The following IPO4 variants were observed in gnomAD, a reference collection of about 807,000 sequenced individuals.
IPO4 encodes importin-4.
IPO4 carries 91 observed loss-of-function variants against 133.5 expected under a neutral mutation model. That is an observed-to-expected ratio of 0.68 (90% CI 0.58 to 0.81). The LOEUF (loss-of-function observed/expected upper bound fraction) is 0.81. IPO4 is among the 30% of genes least tolerant of loss of function. The probability of loss-of-function intolerance (pLI) is 0.00; values close to 1 mark genes in which losing one functional copy is unlikely to be tolerated. For synonymous variants in IPO4, 607 were observed against 581.6 expected (o/e 1.04, Z -0.63); for missense variants, 1,279 against 1,386.2 (o/e 0.92, Z 1.23).
chr14:24,184,927 G>C lies in IPO4; in HGVS notation c.1462C>G (p.Leu488Val). ...PELMECMLQLLRNPSSPRAKE... is the reference protein window; with the variant it reads ...PELMECMLQLVRNPSSPRAKE... ...GCCCGGGGACTGCTGGGGTTCCTCA[G>C]AAGCTGCAGCATGCATTCCATAAGC... Residue 488 changes from leucine (L) to valine (V), a missense_variant, in exon 15 of 30, where the codon CTG becomes GTG. By Grantham distance (32) the Leu-to-Val change is conservative. Transcript: ENST00000354464. The C allele has an allele frequency of 6.2e-7, 1 of 1,614,146 alleles. No homozygotes were observed. The highest frequency in any genetic ancestry group is 8.5e-7 in the Non-Finnish European group (1 of 1,180,036).
At chr14:24,188,129 CCCA>C (rs1744322933) in intron 4 of IPO4, 84 bp downstream of exon 4, 4 of 1,378,832 alleles carry the variant, frequency 2.9e-6, no homozygotes, top group Non-Finnish European at 3.0e-6. Flanking sequence ...AAGTCCCTGC[CCCA>C]CAAGTCCCAG....
At chr14:24,184,217 TG>T in intron 17 of IPO4, 80 bp downstream of exon 17, 2 of 1,554,384 alleles carry the variant, frequency 1.3e-6, no homozygotes, top group Non-Finnish European at 1.7e-6. Context: ...GACTGGAGTC[TG>T]GGGTGGGGAT....
In IPO4 at chr14:24,186,733, G is replaced by C. The variant is rs757669419; in HGVS notation, c.815C>G (p.Thr272Ser). Residue 272 changes from threonine to serine, a missense_variant, in exon 9 of 30, where the codon ACT (threonine) becomes AGT (serine). Thr to Ser is a moderately conservative substitution (Grantham distance 58, BLOSUM62 1). Transcript: ENST00000354464. ...AIRIRILCCL[T>S]FLVKVKSKAL... ...CTTGCTCTTGACTTTGACCAAGAAA[G>C]TGAGGCAGCAGAGAATACGTATGCG... 1 of 1,614,182 alleles carries C rather than the reference G, an allele frequency of 6.2e-7. No homozygotes were observed. Among genetic ancestry groups the C allele is most frequent in the Non-Finnish European group, 8.5e-7 (1 of 1,180,000 alleles).
intron 22 of IPO4, 28 bp downstream of exon 22, chr14:24,183,222 C>T: frequency 6.2e-7 from 1 of 1,612,116 alleles, no homozygotes; most frequent in Non-Finnish European, 8.5e-7. Context: ...TCCCCAAGAA[C>T]CCCCAGCCTG....
chr14:24,180,520 G>A lies in IPO4; in HGVS notation c.3168C>T (p.Thr1056=), dbSNP rs777326997. Residue 1056 remains threonine, a synonymous_variant, in exon 30 of 30, where the codon ACC becomes ACT. Coordinates refer to ENST00000354464, the MANE Select transcript of IPO4 (RefSeq NM_024658.4). ...AGCCCAGAGCTGCTTGAAAGCTGTC[G>A]GTGTGCTGTTTGGCCAGGAACGTCA... ...LLLTFLAKQH[T]DSFQAALGSL... 12 of 1,613,958 alleles carry A rather than the reference G, an allele frequency of 7.4e-6. No individual in the cohort carries two copies. Among genetic ancestry groups the A allele is most frequent in the African/African-American group, 2.7e-5 (2 of 74,910 alleles).
rs1347635772 is a variant in IPO4 at position 24,184,433 on chromosome 14, G to C, written c.1637-15C>G. The C allele has an allele frequency of 6.2e-7, 1 of 1,604,188 alleles. No individual in the cohort carries two copies. The highest frequency in any genetic ancestry group is 8.5e-7 in the Non-Finnish European group (1 of 1,175,148). ...CCCCAGTGTCTCTGTGGGGGCAAGG[G>C]CTCCATTAGCACCAGGAGGTGGAGG... is the stretch of plus-strand genomic sequence containing the variant. On this transcript the variant is annotated splice_polypyrimidine_tract_variant and intron_variant, in intron 16 of 29. Transcript: ENST00000354464.
In IPO4 at chr14:24,184,831, G is replaced by C. The variant is rs761129991; in HGVS notation, c.1522+36C>G. On this transcript the variant is annotated intron_variant, in intron 15 of 29. Coordinates refer to ENST00000354464, the MANE Select transcript of IPO4 (RefSeq NM_024658.4). ...ACCACCAGCCACAGGGCCTTTGGGT[G>C]AACCCCACATCCCTGCCTCCTGCCT... The C allele has an allele frequency of 2.4e-5, 38 of 1,605,942 alleles. 1 individual carries two copies. In the South Asian group the frequency reaches 4.0e-4, roughly 17 times the overall value.
intron 6 of IPO4, 82 bp downstream of exon 6, chr14:24,187,318 A>G: frequency 6.5e-7 from 1 of 1,545,206 alleles, no homozygotes; most frequent in Non-Finnish European, 8.9e-7. Context: ...TAAAGAATCC[A>G]AAGCAGCTTT....
chr14:24,187,006 A>G (rs1445372799), intron 7 of IPO4, 27 bp from the exon 8 acceptor site: 1 of 1,612,548 alleles, frequency 6.2e-7, no homozygotes, highest in Non-Finnish European at 8.5e-7. Flanking sequence ...GCACAAGGTT[A>G]CCATGCTCTT....
chr14:24,187,980 G>T, intron 4 of IPO4, 184 bp from the exon 5 acceptor site: 1 of 785,792 alleles, frequency 1.3e-6, no homozygotes, highest in Non-Finnish European at 2.0e-6. Context: ...CATGTAATCT[G>T]GTAAGTTCAG....
chr14:24,187,502 C>G lies in IPO4; in HGVS notation c.486G>C (p.Arg162=). The G allele has an allele frequency of 1.2e-6, 2 of 1,614,154 alleles. No individual in the cohort carries two copies. The highest frequency in any genetic ancestry group is 1.6e-4 in the Middle Eastern group (1 of 6,062). The change falls in exon 6 of 30, where the codon CGG becomes CGC. Residue 162 remains arginine (R), a synonymous_variant. Coordinates refer to ENST00000354464, the MANE Select transcript of IPO4 (RefSeq NM_024658.4). ...AFQPHHRELL[R]LLNETLGEVG... ...CCTCACCAAGAGTCTCATTCAGAAG[C>G]CGAAGAAGCTCCCGGTGGTGGGGTT... is the stretch of plus-strand genomic sequence containing the variant.
In IPO4 at chr14:24,183,896, A is replaced by T. The variant is rs1226044448; in HGVS notation, c.1872T>A (p.Pro624=). The change falls in exon 19 of 30, where the codon CCT becomes CCA. Residue 624 remains proline (P), a splice_region_variant and synonymous_variant. Coordinates refer to ENST00000354464, the MANE Select transcript of IPO4 (RefSeq NM_024658.4). ...LSLRSTEGIV[P]QYDGSSSFLL... ...GGAAGGAGCTGCTCCCGTCATACTG[A>T]GGCTGGAGCGGAGGCACGGCAAGGA... 6.2e-7 allele frequency: 1 copy of T among 1,613,806 alleles called. No individual in the cohort carries two copies. Among genetic ancestry groups the T allele is most frequent in the Non-Finnish European group, 8.5e-7 (1 of 1,180,014 alleles).
chr14:24,183,434 C>T (rs2039171468), intron 21 of IPO4, 22 bp downstream of exon 21: 2 of 1,602,460 alleles, frequency 1.2e-6, no homozygotes, highest in East Asian at 2.2e-5. Context: ...ACCCCACCCA[C>T]TCCACCCGCC....
chr14:24,181,859 G>A lies in IPO4; in HGVS notation c.2808-16C>T. On this transcript the variant is annotated splice_polypyrimidine_tract_variant and intron_variant, in intron 26 of 29. Transcript: ENST00000354464. Reference sequence around the variant, plus strand: ...GGGGAAGTGTCTGGTCCACAGTCAAGGAATGGCCACACGCTCAGGTAGACC... The same window carrying A: ...GGGGAAGTGTCTGGTCCACAGTCAAAGAATGGCCACACGCTCAGGTAGACC... The A allele has an allele frequency of 6.2e-7, 1 of 1,600,094 alleles. No homozygotes were observed. Among genetic ancestry groups the A allele is most frequent in the South Asian group, 1.1e-5 (1 of 89,746 alleles).
At position 24,188,646 on chromosome 14, in the gene IPO4, G is replaced by T; in HGVS notation, c.70-8C>A. 1 of 1,608,858 alleles carries T rather than the reference G, an allele frequency of 6.2e-7. No individual in the cohort carries two copies. Among genetic ancestry groups the T allele is most frequent in the South Asian group, 1.1e-5 (1 of 90,634 alleles). On this transcript the variant is annotated splice_region_variant and splice_polypyrimidine_tract_variant and intron_variant, in intron 1 of 29. Coordinates refer to ENST00000354464, the MANE Select transcript of IPO4 (RefSeq NM_024658.4). ...CTGGAGCTGTTCCGTGGCCTGGGGG[G>T]AAGCTAGGGGTGAGAGTTGGGCCTT...
chr14:24,183,537 G>C (rs1278903578), intron 20 of IPO4, 24 bp from the exon 21 acceptor site: 1 of 1,614,078 alleles, frequency 6.2e-7, no homozygotes, highest in Non-Finnish European at 8.5e-7. Flanking sequence ...CACAGCCGTG[G>C]GTAAGGGGCC....
At chr14:24,187,362 G>A (rs1322474398) in intron 6 of IPO4, 38 bp downstream of exon 6, 10 of 1,606,186 alleles carry the variant, frequency 6.2e-6, no homozygotes, top group Non-Finnish European at 7.7e-6. Flanking sequence ...GAAGGCATGA[G>A]GAAAGGGAGT....
intron 24 of IPO4, 56 bp downstream of exon 24, chr14:24,182,736 G>C: frequency 6.3e-7 from 1 of 1,590,514 alleles, no homozygotes; most frequent in South Asian, 1.1e-5. Flanking sequence ...GTCCACCCCT[G>C]TCCCTGTGGA....
At position 24,183,771 on chromosome 14, in the gene IPO4, AC is replaced by A; in HGVS notation, c.1985+11del. On this transcript the variant is annotated intron_variant, in intron 19 of 29. Transcript: ENST00000354464. Reference sequence around the variant, plus strand: ...AGTCTAGATTCCTGATCAGAAGAGCACCCCTCCGCACCCTGAGATCTCTGAG... The same window carrying A: ...AGTCTAGATTCCTGATCAGAAGAGCACCCTCCGCACCCTGAGATCTCTGAG... 2 of 1,614,042 alleles carry A rather than the reference AC, an allele frequency of 1.2e-6. No individual in the cohort carries two copies. The highest frequency in any genetic ancestry group is 1.7e-6 in the Non-Finnish European group (2 of 1,180,012).
Sources: allele counts gnomAD v4.1 joint callset, GRCh38; gene constraint gnomAD v4.1.1; transcripts MANE v1.5; gene names NCBI Gene and HGNC (gene_info 2026-07-23, HGNC 2026-07-21).